NALF1: variants seen among roughly 807,000 people sequenced by gnomAD.
The protein encoded by NALF1 is family with sequence similarity 155 member A.
A neutral mutation model predicts 48.4 loss-of-function variants in NALF1; 3 were observed. The observed-to-expected ratio is 0.06, with a 90% CI of 0.03 to 0.16. The LOEUF (loss-of-function observed/expected upper bound fraction) is 0.16. NALF1 is among the 10% of genes least tolerant of loss of function. The pLI, the probability that NALF1 is intolerant of heterozygous loss-of-function variation, is 1.00. For synonymous variants in NALF1, 262 were observed against 245.7 expected (o/e 1.07, Z -0.62); for missense variants, 526 against 571.5 (o/e 0.92, Z 0.81).
chr13:107,222,933 T>C (rs181871639), intron 1 of NALF1, among the ~76,000 whole-genome samples: 3 of 152,316 alleles, frequency 2.0e-5, no homozygotes, highest in Non-Finnish European at 2.9e-5. Flanking sequence ...CCTGTTCTAT[T>C]TAGTGGGATT....
intron 1 of NALF1, among the ~76,000 whole-genome samples, chr13:107,676,994 G>T (rs1166566640): frequency 6.6e-6 from 1 of 152,074 alleles, no homozygotes; most frequent in African/African-American, 2.4e-5. Context: ...TCTCCACTTT[G>T]GGGTCAGAAT....
chr13:107,445,489 A>T (rs1178578309), intron 1 of NALF1, among the ~76,000 whole-genome samples: 1 of 152,222 alleles, frequency 6.6e-6, no homozygotes, highest in African/African-American at 2.4e-5. Flanking sequence ...GGGTTGTTCC[A>T]GTTTTGGGCT....
At chr13:107,440,218 CTT>C (rs1383240267) in intron 1 of NALF1, among the ~76,000 whole-genome samples, 1 of 152,112 alleles carries the variant, frequency 6.6e-6, no homozygotes, top group South Asian at 2.1e-4. Flanking sequence ...CAATTAAACA[CTT>C]TGTCGACAAG....
At chr13:107,393,624 A>G (rs1438237849) in intron 1 of NALF1, among the ~76,000 whole-genome samples, 2 of 152,208 alleles carry the variant, frequency 1.3e-5, no homozygotes, top group African/African-American at 4.8e-5. Context: ...GAAAAGACGG[A>G]GACAATTAAA....
At chr13:107,377,184 T>C (rs1413400145) in intron 1 of NALF1, among the ~76,000 whole-genome samples, 3 of 152,170 alleles carry the variant, frequency 2.0e-5, no homozygotes, top group Admixed American at 2.0e-4. Context: ...ACCACCCTTC[T>C]CCTTAGGACC....
intron 1 of NALF1, among the ~76,000 whole-genome samples, chr13:107,836,637 T>A (rs1017396654): frequency 1.3e-5 from 2 of 152,076 alleles, no homozygotes; most frequent in African/African-American, 4.8e-5. Context: ...ATATTCTGAG[T>A]TAAGTATTAT....
intron 1 of NALF1, among the ~76,000 whole-genome samples, chr13:107,548,729 T>C (rs1877205786): frequency 6.6e-6 from 1 of 152,144 alleles, no homozygotes; most frequent in Non-Finnish European, 1.5e-5. Flanking sequence ...GCACCAAGCG[T>C]GTTCTGTTGG....
chr13:107,772,686 A>C (rs1877612535), intron 1 of NALF1, among the ~76,000 whole-genome samples: 1 of 152,192 alleles, frequency 6.6e-6, no homozygotes, highest in Non-Finnish European at 1.5e-5. Context: ...CTGGGGTGAA[A>C]TATTTGTGGA....
intron 1 of NALF1, among the ~76,000 whole-genome samples, chr13:107,660,980 G>T (rs879913108): frequency 1.3e-5 from 2 of 152,064 alleles, no homozygotes; most frequent in African/African-American, 4.8e-5. Context: ...AAATATCAAA[G>T]GATTACTTTC....
chr13:107,715,508 A>G (rs1875728915), intron 1 of NALF1, among the ~76,000 whole-genome samples: 1 of 152,090 alleles, frequency 6.6e-6, no homozygotes, highest in Non-Finnish European at 1.5e-5. Flanking sequence ...GGCCTTTTAT[A>G]ACAGTTTAGT....
In NALF1 at chr13:107,650,321, C is replaced by T. The variant is rs541779532; in HGVS notation, c.915+215361G>A. On this transcript the variant is annotated intron_variant, in intron 1 of 2. Coordinates refer to ENST00000375915, the MANE Select transcript of NALF1 (RefSeq NM_001080396.3). ...AGGCTGCGCCACCTAGTGGCTGCGA[C>T]TTCGAGTCTCCTCTAGCAAAATCAG... 3.2e-4 allele frequency among the ~76,000 whole-genome samples: 48 copies of T among 150,290 alleles called. No individual in the cohort carries two copies. In the East Asian group the frequency reaches 7.8e-3, roughly 25 times the overall value.
intron 1 of NALF1, among the ~76,000 whole-genome samples, chr13:107,847,824 T>C (rs1020922548): frequency 1.3e-5 from 2 of 152,206 alleles, no homozygotes; most frequent in African/African-American, 4.8e-5. Flanking sequence ...CCACAGAAAG[T>C]GTGAGATAAT....
chr13:107,836,074 C>T (rs957978118), intron 1 of NALF1, among the ~76,000 whole-genome samples: 5 of 152,160 alleles, frequency 3.3e-5, no homozygotes, highest in Admixed American at 6.5e-5. Context: ...TCAATGCAAC[C>T]TCTGCCTCCT....
At chr13:107,727,195 G>C (rs1405154341) in intron 1 of NALF1, among the ~76,000 whole-genome samples, 1 of 151,720 alleles carries the variant, frequency 6.6e-6, no homozygotes, top group East Asian at 1.9e-4. Flanking sequence ...AGAAGCCCAA[G>C]GCACAGCTTG....
chr13:107,629,326 C>A (rs1173064664), intron 1 of NALF1, among the ~76,000 whole-genome samples: 1 of 152,132 alleles, frequency 6.6e-6, no homozygotes, highest in African/African-American at 2.4e-5. Flanking sequence ...GCAGACATGA[C>A]CAAACAAAAT....
chr13:107,266,805 T>A (rs747254227), intron 1 of NALF1, among the ~76,000 whole-genome samples: 6 of 152,218 alleles, frequency 3.9e-5, no homozygotes, highest in Non-Finnish European at 5.9e-5. Context: ...TATTGCTCAA[T>A]AATACTGCAA....
At chr13:107,269,041 T>C (rs1192372515) in intron 1 of NALF1, among the ~76,000 whole-genome samples, 2 of 152,056 alleles carry the variant, frequency 1.3e-5, no homozygotes, top group African/African-American at 2.4e-5. Flanking sequence ...TGCACGCCTG[T>C]GGTCCCACGT....
intron 1 of NALF1, among the ~76,000 whole-genome samples, chr13:107,818,655 G>A (rs941201465): frequency 2.8e-5 from 4 of 143,992 alleles, no homozygotes; most frequent in Admixed American, 7.1e-5. Context: ...GGCGGATCAC[G>A]AGGTCAGGAG....
chr13:107,171,870 G>A (rs538491758), intron 2 of NALF1, among the ~76,000 whole-genome samples: 3 of 152,294 alleles, frequency 2.0e-5, no homozygotes, highest in Admixed American at 1.3e-4. Context: ...TAGTAGAGTT[G>A]TTGTAAGGAT....
Sources: gnomAD v4.1 joint callset for allele counts (sites outside exome capture counted in the v4.1 genomes callset) on GRCh38, gnomAD v4.1.1 for gene constraint, MANE v1.5 for transcripts, NCBI Gene and HGNC (gene_info 2026-07-23, HGNC 2026-07-21) for gene names.